MARCHF1: variants seen among roughly 807,000 people sequenced by gnomAD.
The protein encoded by MARCHF1 is membrane associated ring-CH-type finger 1.
MARCHF1 carries 40 observed loss-of-function variants against 54.2 expected under a neutral mutation model. The observed-to-expected ratio is 0.74, with a 90% CI of 0.57 to 0.96. The LOEUF (loss-of-function observed/expected upper bound fraction) is 0.96. Among genes scored for constraint, MARCHF1 ranks in the 40% least tolerant of loss-of-function variants. MARCHF1 has a pLI of 0.00. For missense variants in MARCHF1, 586 were observed against 656.5 expected (o/e 0.89, Z 1.17); for synonymous variants, 236 against 236.3 (o/e 1.00, Z 0.01).
chr4:163,977,207 A>C (rs1017606085), intron 3 of MARCHF1, among the ~76,000 whole-genome samples: 2 of 151,996 alleles, frequency 1.3e-5, no homozygotes, highest in African/African-American at 4.8e-5. Flanking sequence ...GCCACTTTTT[A>C]CTGTCATAAT....
intron 9 of MARCHF1, among the ~76,000 whole-genome samples, chr4:163,540,313 G>T (rs1738680913): frequency 1.3e-5 from 2 of 152,164 alleles, no homozygotes; most frequent in African/African-American, 4.8e-5. Context: ...CTCACTCTAA[G>T]TTGGAATATT....
chr4:163,824,613 T>C (rs1268279020), intron 4 of MARCHF1, among the ~76,000 whole-genome samples: 59 of 88,112 alleles, frequency 6.7e-4, no homozygotes, highest in Non-Finnish European at 1.4e-3. Flanking sequence ...CCAAAAGCAA[T>C]GGCAACAAAA....
At chr4:163,876,222 C>T (rs1750285502) in intron 3 of MARCHF1, among the ~76,000 whole-genome samples, 1 of 152,120 alleles carries the variant, frequency 6.6e-6, no homozygotes, top group Non-Finnish European at 1.5e-5. Flanking sequence ...CCTCAATATA[C>T]TGCACAACAA....
chr4:164,111,566 A>G (rs901268994), intron 2 of MARCHF1, 22 bp downstream of exon 2: 1 of 151,826 alleles, frequency 6.6e-6, no homozygotes, highest in Non-Finnish European at 1.5e-5. Flanking sequence ...TAAAGAATAA[A>G]GATAAAAATA....
chr4:163,977,740 A>G (rs951264097), intron 3 of MARCHF1, among the ~76,000 whole-genome samples: 8 of 152,226 alleles, frequency 5.3e-5, no homozygotes, highest in Admixed American at 3.3e-4. Context: ...CTATTTTAAG[A>G]GAAGTTTTGA....
At chr4:163,775,272 C>G (rs1209356729) in intron 4 of MARCHF1, among the ~76,000 whole-genome samples, 1 of 152,124 alleles carries the variant, frequency 6.6e-6, no homozygotes, top group Non-Finnish European at 1.5e-5. Context: ...ACTCATATGC[C>G]ACTTTATCAG....
chr4:164,257,733 C>T (rs553465175), intron 1 of MARCHF1, among the ~76,000 whole-genome samples: 82 of 152,084 alleles, frequency 5.4e-4, no homozygotes, highest in Non-Finnish European at 1.1e-3. Context: ...ATTGGGAAGC[C>T]GAGGTGGGGG....
intron 3 of MARCHF1, among the ~76,000 whole-genome samples, chr4:163,971,583 A>G (rs1463773443): frequency 6.6e-6 from 1 of 152,220 alleles, no homozygotes. Flanking sequence ...AGGCTGACAC[A>G]CTAGGCAAAT....
chr4:163,697,914 T>G (rs1008972033), intron 5 of MARCHF1, among the ~76,000 whole-genome samples: 7 of 152,224 alleles, frequency 4.6e-5, no homozygotes, highest in African/African-American at 1.7e-4. Context: ...GCATATATTA[T>G]AGACCATGTT....
At chr4:163,764,123 G>T (rs943178110) in intron 4 of MARCHF1, among the ~76,000 whole-genome samples, 2 of 152,040 alleles carry the variant, frequency 1.3e-5, no homozygotes, top group Non-Finnish European at 2.9e-5. Context: ...CTTACTGAAT[G>T]ATATATTCCT....
intron 7 of MARCHF1, among the ~76,000 whole-genome samples, chr4:163,606,421 G>C (rs1257926788): frequency 6.6e-6 from 1 of 152,078 alleles, no homozygotes; most frequent in Admixed American, 6.6e-5. Context: ...AACTTATTCT[G>C]TAGGGAAAAG....
chr4:163,970,873 A>C (rs1166844632), intron 3 of MARCHF1, among the ~76,000 whole-genome samples: 1 of 152,216 alleles, frequency 6.6e-6, no homozygotes, highest in African/African-American at 2.4e-5. Context: ...TAAATATTTC[A>C]AGCCTCTTCA....
At chr4:164,095,761 G>A (rs920266809) in intron 2 of MARCHF1, among the ~76,000 whole-genome samples, 2 of 151,852 alleles carry the variant, frequency 1.3e-5, no homozygotes, top group African/African-American at 4.8e-5. Flanking sequence ...GTGCCTCAAG[G>A]ACATGAACAG....
intron 1 of MARCHF1, among the ~76,000 whole-genome samples, chr4:164,256,029 A>G (rs9990889): frequency 0.12 from 17,738 of 152,060 alleles, 1,624 homozygotes; most frequent in African/African-American, 0.25. Flanking sequence ...GGTGGCTCAC[A>G]CCTGTCATCC....
chr4:163,740,781 T>C (rs1746171190), intron 4 of MARCHF1, among the ~76,000 whole-genome samples: 2 of 152,240 alleles, frequency 1.3e-5, no homozygotes, highest in South Asian at 4.1e-4. Flanking sequence ...AGGTAATGCG[T>C]TTGAGTTGTT....
rs1743272284 is a variant in MARCHF1 at position 163,659,598 on chromosome 4, T to C, written c.162+41215A>G. 2.0e-5 allele frequency among the ~76,000 whole-genome samples: 3 copies of C among 151,866 alleles called. 1 individual carries two copies. The highest frequency in any genetic ancestry group is 4.1e-4 in the South Asian group (2 of 4,824). On this transcript the variant is annotated intron_variant, in intron 5 of 9. Coordinates refer to ENST00000514618, the MANE Select transcript of MARCHF1 (RefSeq NM_001394959.1). ...AGCTTCTGCACAGCAAAGGAAACTA[T>C]CATGAGACTGAACAGGCAACCTACA...
chr4:164,366,346 G>T (rs1444501202), intron 1 of MARCHF1, among the ~76,000 whole-genome samples: 1 of 151,890 alleles, frequency 6.6e-6, no homozygotes, highest in African/African-American at 2.4e-5. Context: ...CCAGGAGAAG[G>T]GCCAGCATAG....
At chr4:163,727,078 C>G (rs920120637) in intron 4 of MARCHF1, among the ~76,000 whole-genome samples, 1 of 152,036 alleles carries the variant, frequency 6.6e-6, no homozygotes, top group Non-Finnish European at 1.5e-5. Flanking sequence ...TTAATGAAGT[C>G]CAGTTTGTGT....
intron 1 of MARCHF1, among the ~76,000 whole-genome samples, chr4:164,178,925 T>C (rs898965464): frequency 2.0e-5 from 3 of 152,186 alleles, no homozygotes; most frequent in Non-Finnish European, 4.4e-5. Context: ...TCATAGTTGT[T>C]GGTCTTTCTT....
Sources: allele counts gnomAD v4.1 joint callset (sites outside exome capture counted in the v4.1 genomes callset), GRCh38; gene constraint gnomAD v4.1.1; transcripts MANE v1.5; gene names NCBI Gene and HGNC (gene_info 2026-07-23, HGNC 2026-07-21).